PPM1H: variants seen among roughly 807,000 people sequenced by gnomAD.
The protein encoded by PPM1H is protein phosphatase, Mg2+/Mn2+ dependent 1H, also known as protein phosphatase 1H.
PPM1H carries 27 observed loss-of-function variants against 54.9 expected under a neutral mutation model. That is an observed-to-expected ratio of 0.49 (90% CI 0.36 to 0.68). The LOEUF (loss-of-function observed/expected upper bound fraction) is 0.68, where lower values mean the gene tolerates loss of function less well. PPM1H is among the 30% of genes least tolerant of loss of function. The probability of loss-of-function intolerance (pLI) is 0.00; values close to 1 mark genes in which losing one functional copy is unlikely to be tolerated. For synonymous variants in PPM1H, 305 were observed against 270.8 expected, an observed-to-expected ratio of 1.13 and a Z score of -1.24; for missense variants, 596 against 667.8, an observed-to-expected ratio of 0.89 and a Z score of 1.19.
At chr12:62,648,689 A>C in intron 9 of PPM1H, 53 bp from the exon 10 acceptor site, 1 of 1,582,284 alleles carries the variant, frequency 6.3e-7, no homozygotes, top group Non-Finnish European at 8.7e-7. Context: ...GACAGAAGCC[A>C]GGGTCAAGTG....
intron 8 of PPM1H, among the ~76,000 whole-genome samples, chr12:62,673,734 TTTTTTTTTTG>T (rs2075970025): frequency 7.5e-6 from 1 of 132,526 alleles, no homozygotes; most frequent in Non-Finnish European, 1.6e-5. Context: ...TTTTTTTTTT[TTTTTTTTTTG>T]AGACAGGGTC....
intron 1 of PPM1H, among the ~76,000 whole-genome samples, chr12:62,905,249 G>C (rs1341934367): frequency 1.3e-5 from 2 of 152,196 alleles, no homozygotes; most frequent in African/African-American, 4.8e-5. Flanking sequence ...GTGTCAAACT[G>C]TTCTCCAGAG....
chr12:62,885,055 T>C (rs867585786), intron 1 of PPM1H, among the ~76,000 whole-genome samples: 16 of 152,186 alleles, frequency 1.1e-4, no homozygotes, highest in Middle Eastern at 3.4e-3. Context: ...ACTTCTTACA[T>C]GGTGGCGACA....
intron 2 of PPM1H, among the ~76,000 whole-genome samples, chr12:62,827,269 G>C (rs1341527144): frequency 6.6e-6 from 1 of 152,146 alleles, no homozygotes; most frequent in Non-Finnish European, 1.5e-5. Flanking sequence ...CCTAGTGGCT[G>C]AGCCTGGTAC....
rs755572613 is a variant in PPM1H, at chr12:62,667,332, GAAA to G, written c.1246-6_1246-4del. ...TTTGAAAGATCGTAGATTCTTACCT[GAAA>G]AAAAACAAGAATACTACCACTTAAG... On this transcript the variant is annotated splice_region_variant and splice_polypyrimidine_tract_variant and intron_variant, in intron 8 of 9. Coordinates refer to ENST00000228705, the MANE Select transcript of PPM1H (RefSeq NM_020700.2). 1 of 1,561,106 alleles carries G rather than the reference GAAA, an allele frequency of 6.4e-7. No individual in the cohort carries two copies. Among genetic ancestry groups the G allele is most frequent in the Admixed American group, 2.0e-5 (1 of 50,782 alleles).
chr12:62,675,495 G>A (rs776453596), intron 8 of PPM1H, among the ~76,000 whole-genome samples: 8 of 152,178 alleles, frequency 5.3e-5, no homozygotes, highest in Non-Finnish European at 1.2e-4. Flanking sequence ...GCAAAGATAA[G>A]CATCAGAAGA....
chr12:62,852,216 G>A (rs1169738681), intron 1 of PPM1H, among the ~76,000 whole-genome samples: 2 of 123,526 alleles, frequency 1.6e-5, no homozygotes, highest in East Asian at 2.8e-4. Flanking sequence ...GTGACAGAGC[G>A]AGACTCTGTC....
At chr12:62,693,906 T>C (rs2076098095) in intron 7 of PPM1H, 30 bp downstream of exon 7, 1 of 1,597,700 alleles carries the variant, frequency 6.3e-7, no homozygotes, top group Non-Finnish European at 8.6e-7. Flanking sequence ...AGCCCTGTCC[T>C]CTCTACCCAG....
At chr12:62,751,297 G>A (rs1399269529) in intron 4 of PPM1H, among the ~76,000 whole-genome samples, 2 of 152,186 alleles carry the variant, frequency 1.3e-5, no homozygotes, top group African/African-American at 2.4e-5. Context: ...CGGAACAACT[G>A]AGCAGGGTCC....
At chr12:62,871,164 GATAA>G (rs1204560486) in intron 1 of PPM1H, among the ~76,000 whole-genome samples, 1 of 151,996 alleles carries the variant, frequency 6.6e-6, no homozygotes, top group African/African-American at 2.4e-5. Context: ...CTGGTGAATG[GATAA>G]ATAAAATGTG....
At chr12:62,654,776 C>G (rs2075835240) in intron 9 of PPM1H, among the ~76,000 whole-genome samples, 1 of 152,124 alleles carries the variant, frequency 6.6e-6, no homozygotes, top group South Asian at 2.1e-4. Flanking sequence ...GTAAACCTAC[C>G]CAGCCATTTC....
At chr12:62,767,822 A>G (rs1478824677) in intron 4 of PPM1H, among the ~76,000 whole-genome samples, 1 of 152,162 alleles carries the variant, frequency 6.6e-6, no homozygotes, top group Non-Finnish European at 1.5e-5. Flanking sequence ...GCTTCTGGTG[A>G]TTCCAGGAAA....
intron 9 of PPM1H, among the ~76,000 whole-genome samples, chr12:62,657,760 G>C (rs1192007431): frequency 6.6e-6 from 1 of 152,146 alleles, no homozygotes; most frequent in Non-Finnish European, 1.5e-5. Context: ...TCATATTAGG[G>C]TAATGCAAAC....
At chr12:62,881,527 A>G (rs1445114693) in intron 1 of PPM1H, among the ~76,000 whole-genome samples, 2 of 152,208 alleles carry the variant, frequency 1.3e-5, no homozygotes, top group Non-Finnish European at 2.9e-5. Flanking sequence ...GTGGGCAACA[A>G]GATTCAGCCT....
At chr12:62,691,719 A>T (rs1422022023) in intron 7 of PPM1H, among the ~76,000 whole-genome samples, 1 of 151,276 alleles carries the variant, frequency 6.6e-6, no homozygotes, top group Admixed American at 6.6e-5. Flanking sequence ...GCTACTCAGG[A>T]GGCTGAAGTG....
intron 6 of PPM1H, among the ~76,000 whole-genome samples, chr12:62,698,726 C>G (rs1326819640): frequency 6.6e-6 from 1 of 151,898 alleles, no homozygotes; most frequent in African/African-American, 2.4e-5. Flanking sequence ...TTTAGGGTTA[C>G]ATATGGAGAC....
At chr12:62,853,700 G>T (rs1041783555) in intron 1 of PPM1H, among the ~76,000 whole-genome samples, 7 of 152,182 alleles carry the variant, frequency 4.6e-5, no homozygotes, top group African/African-American at 1.7e-4. Flanking sequence ...CTTCCCATGG[G>T]TTTCCTATGG....
chr12:62,743,344 C>A (rs1455223592), intron 4 of PPM1H, among the ~76,000 whole-genome samples: 3 of 152,198 alleles, frequency 2.0e-5, no homozygotes, highest in East Asian at 1.9e-4. Flanking sequence ...CAGATTGAGA[C>A]CCTGTCTCAA....
intron 2 of PPM1H, among the ~76,000 whole-genome samples, chr12:62,819,942 C>CA (rs2076892125): frequency 6.6e-6 from 1 of 152,150 alleles, no homozygotes; most frequent in Non-Finnish European, 1.5e-5. Context: ...GAGTGCAGCC[C>CA]AAAGAGGGCG....
Sources: allele counts gnomAD v4.1 joint callset (sites outside exome capture counted in the v4.1 genomes callset), GRCh38; gene constraint gnomAD v4.1.1; transcripts MANE v1.5; gene names NCBI Gene and HGNC (gene_info 2026-07-23, HGNC 2026-07-21).